Variants in DMD observed in about 807,000 individuals in gnomAD.
DMD encodes the protein dystrophin, also known as mutant dystrophin.
A neutral mutation model predicts 330.1 loss-of-function variants in DMD; 63 were observed. The observed-to-expected ratio is 0.19, with a 90% CI of 0.16 to 0.24. The LOEUF is 0.24. Among genes scored for constraint, DMD ranks in the 10% least tolerant of loss-of-function variants. The probability of loss-of-function intolerance (pLI) is 1.00; values close to 1 mark genes in which losing one functional copy is unlikely to be tolerated. For synonymous variants in DMD, 1,223 were observed against 959.8 expected, an observed-to-expected ratio of 1.27 and a Z score of -5.07; for missense variants, 3,344 against 2,684.1, an observed-to-expected ratio of 1.25 and a Z score of -5.43.
At chrX:31,586,799 G>T (rs2076630314) in intron 55 of DMD, among the ~76,000 whole-genome samples, 1 of 111,944 alleles carries the variant, frequency 8.9e-6, no homozygotes, top group African/African-American at 3.2e-5. Context: ...CAGGGAACAA[G>T]ACATCAAAAA....
chrX:32,486,384 T>C (rs1382885276), intron 20 of DMD, among the ~76,000 whole-genome samples: 2 of 112,233 alleles, frequency 1.8e-5, no homozygotes, highest in Non-Finnish European at 3.8e-5. Context: ...ACCGTTTCTT[T>C]TTCCTTTCCT....
intron 2 of DMD, among the ~76,000 whole-genome samples, chrX:32,978,811 T>A (rs762130475): frequency 8.9e-5 from 10 of 112,091 alleles, no homozygotes; most frequent in African/African-American, 3.2e-4. Context: ...TTTTATTTCC[T>A]TTGCTTCAAA....
chrX:31,520,345 AG>A (rs2072630896), intron 55 of DMD, among the ~76,000 whole-genome samples: 1 of 110,163 alleles, frequency 9.1e-6, no homozygotes, highest in Non-Finnish European at 1.9e-5. Flanking sequence ...TGGTTTTATA[AG>A]GGGCTCTTCC....
intron 32 of DMD, among the ~76,000 whole-genome samples, chrX:32,386,893 T>C (rs2097962088): frequency 9.1e-6 from 1 of 110,273 alleles, no homozygotes; most frequent in Non-Finnish European, 1.9e-5. Context: ...ATCAATCAGA[T>C]AGTATTTGAA....
intron 60 of DMD, among the ~76,000 whole-genome samples, chrX:31,377,548 G>A (rs377113160): frequency 2.7e-5 from 3 of 112,249 alleles, no homozygotes; most frequent in African/African-American, 9.7e-5. Context: ...TAACTATCGA[G>A]AGTCAGCCTA....
chrX:31,516,737 C>G (rs1374504689), intron 55 of DMD, among the ~76,000 whole-genome samples: 2 of 111,871 alleles, frequency 1.8e-5, no homozygotes, highest in African/African-American at 6.5e-5. Flanking sequence ...GCTTTCATAT[C>G]TCATTCGAAA....
rs762002471 is a variant in DMD at position 33,210,868 on chromosome X, T to C, written c.31+414A>G. Among the ~76,000 whole-genome samples the C allele has an allele frequency of 2.7e-5, 3 of 111,754 alleles. No homozygotes were observed. In the South Asian group the frequency reaches 1.1e-3, roughly 41 times the overall value. Reference sequence around the variant, plus strand: ...AGTTCCTATACAGTAGTTAGTTCAATTGAGAATATATGTCAGGTCAGTAAC... The same window carrying C: ...AGTTCCTATACAGTAGTTAGTTCAACTGAGAATATATGTCAGGTCAGTAAC... On this transcript the variant is annotated intron_variant, in intron 1 of 78. Coordinates refer to ENST00000357033, the MANE Select transcript of DMD (RefSeq NM_004006.3).
At chrX:31,662,855 A>G (rs2081209003) in intron 53 of DMD, among the ~76,000 whole-genome samples, 1 of 112,101 alleles carries the variant, frequency 8.9e-6, no homozygotes, top group African/African-American at 3.2e-5. Flanking sequence ...TAATATGCTT[A>G]TGAACAAAAA....
At chrX:31,878,423 A>G (rs1376316641) in intron 47 of DMD, among the ~76,000 whole-genome samples, 1 of 112,289 alleles carries the variant, frequency 8.9e-6, no homozygotes, top group Non-Finnish European at 1.9e-5. Flanking sequence ...TTTTCAATGT[A>G]AGAAGCAGTA....
chrX:31,971,972 T>C (rs1264834686), intron 44 of DMD, among the ~76,000 whole-genome samples: 1 of 111,761 alleles, frequency 8.9e-6, no homozygotes, highest in Non-Finnish European at 1.9e-5. Context: ...TGTGTTTTGA[T>C]TCCAATATTA....
chrX:31,257,960 A>G (rs1482927839), intron 63 of DMD, among the ~76,000 whole-genome samples: 1 of 111,326 alleles, frequency 9.0e-6, no homozygotes, highest in Non-Finnish European at 1.9e-5. Flanking sequence ...AAACAAACAA[A>G]CAAAAAAGGA....
rs1333336971 is a variant in DMD at position 32,639,446 on chromosome X, T to G, written c.1331+4686A>C. ...AAACCACATCAATATTCTCTTGTTT[T>G]AAACACTACATTATGAAAGGAATGG... On this transcript the variant is annotated intron_variant, in intron 11 of 78. Coordinates refer to ENST00000357033, the MANE Select transcript of DMD (RefSeq NM_004006.3). Among the ~76,000 whole-genome samples, 33 of 112,404 alleles carry G rather than the reference T, an allele frequency of 2.9e-4. No individual in the cohort carries two copies. In the Admixed American group the frequency reaches 3.1e-3, roughly 11 times the overall value.
intron 44 of DMD, among the ~76,000 whole-genome samples, chrX:31,982,773 A>C: frequency 9.2e-6 from 1 of 109,130 alleles, no homozygotes; most frequent in East Asian, 2.9e-4. Flanking sequence ...AAATAAAGTT[A>C]TCATACTTTA....
At chrX:32,849,252 T>A (rs1440317755) in intron 3 of DMD, among the ~76,000 whole-genome samples, 1 of 111,791 alleles carries the variant, frequency 8.9e-6, no homozygotes, top group African/African-American at 3.3e-5. Context: ...TCATGTATCT[T>A]CACAGGAATG....
chrX:32,885,544 G>A (rs1283846951), intron 2 of DMD, among the ~76,000 whole-genome samples: 1 of 111,522 alleles, frequency 9.0e-6, no homozygotes, highest in Non-Finnish European at 1.9e-5. Flanking sequence ...ACTGGTATAA[G>A]TGATCATGTT....
intron 4 of DMD, among the ~76,000 whole-genome samples, chrX:32,827,119 T>G (rs982203841): frequency 1.0e-5 from 1 of 96,588 alleles, no homozygotes; most frequent in East Asian, 3.5e-4. Flanking sequence ...TAAATGTTCA[T>G]GGTTTTTTTC....
intron 32 of DMD, among the ~76,000 whole-genome samples, chrX:32,388,599 C>T (rs1031222590): frequency 9.1e-6 from 1 of 109,391 alleles, no homozygotes; most frequent in African/African-American, 3.3e-5. Context: ...AAAATATTTC[C>T]CCATTCATGA....
At chrX:32,764,051 G>A (rs773120962) in intron 7 of DMD, among the ~76,000 whole-genome samples, 1 of 109,779 alleles carries the variant, frequency 9.1e-6, no homozygotes, top group East Asian at 2.8e-4. Context: ...ATATTTCACA[G>A]TATGCACTGA....
intron 9 of DMD, among the ~76,000 whole-genome samples, chrX:32,661,437 A>G (rs771576517): frequency 9.0e-6 from 1 of 111,542 alleles, no homozygotes; most frequent in African/African-American, 3.2e-5. Context: ...AAGGTCGAAG[A>G]GCTAATAAAA....
Sources: gnomAD v4.1 joint callset for allele counts (sites outside exome capture counted in the v4.1 genomes callset) on GRCh38, gnomAD v4.1.1 for gene constraint, MANE v1.5 for transcripts, NCBI Gene and HGNC (gene_info 2026-07-23, HGNC 2026-07-21) for gene names.